ARHGEF18: variants seen among roughly 807,000 people sequenced by gnomAD.
The protein encoded by ARHGEF18 is rho guanine nucleotide exchange factor 18.
ARHGEF18 carries 93 observed loss-of-function variants against 155.7 expected under a neutral mutation model. The ratio of observed to expected loss-of-function variants is 0.60; its 90% CI spans 0.50 to 0.71. ARHGEF18 has a LOEUF of 0.71. Among genes scored for constraint, ARHGEF18 ranks in the 30% least tolerant of loss-of-function variants. The pLI is 0.00. For missense variants in ARHGEF18, 1,593 were observed against 1,816.1 expected (o/e 0.88, Z 2.23); for synonymous variants, 742 against 753.1 (o/e 0.99, Z 0.24).
intron 2 of ARHGEF18, among the ~76,000 whole-genome samples, chr19:7,370,795 C>T (rs1326671953): frequency 2.0e-5 from 3 of 152,086 alleles, no homozygotes; most frequent in Non-Finnish European, 2.9e-5. Flanking sequence ...ATCTTGAGGA[C>T]GTTATGCTCG....
At position 7,437,488 on chromosome 19, in the gene ARHGEF18, C is replaced by T. The variant is rs536009055; in HGVS notation, c.968-2856C>T. Among the ~76,000 whole-genome samples, 7 of 151,772 alleles carry T rather than the reference C, an allele frequency of 4.6e-5. No individual in the cohort carries two copies. In the South Asian group the frequency reaches 6.3e-4, roughly 14 times the overall value. The stretch of plus-strand genomic sequence containing the variant: ...TCTCCCAGGAGAGCTGCTGCGAGTA[C>T]GTTTTCCCTAGGGTAAGCTCTGCCC... On this transcript the variant is annotated intron_variant, in intron 10 of 28. Coordinates refer to ENST00000668164, the MANE Select transcript of ARHGEF18 (RefSeq NM_001367823.1).
intron 10 of ARHGEF18, among the ~76,000 whole-genome samples, chr19:7,392,945 G>T (rs1971484555): frequency 6.6e-6 from 1 of 150,452 alleles, no homozygotes; most frequent in East Asian, 1.9e-4. Flanking sequence ...TACTTGGGAG[G>T]CTGAGGTGGG....
intron 1 of ARHGEF18, among the ~76,000 whole-genome samples, chr19:7,361,927 G>T (rs1423640348): frequency 6.6e-6 from 1 of 151,606 alleles, no homozygotes; most frequent in Non-Finnish European, 1.5e-5. Flanking sequence ...GGGAGGCGGA[G>T]GTTGTGGTGA....
At chr19:7,473,962 A>G (rs1977150553), downstream of ARHGEF18, among the ~76,000 whole-genome samples, 1 of 151,880 alleles carries the variant, frequency 6.6e-6, no homozygotes, top group Non-Finnish European at 1.5e-5. Context: ...CAGCCTAGGC[A>G]ACATGGTGAG....
At chr19:7,362,048 AGAAGG>A (rs1969599016) in intron 1 of ARHGEF18, among the ~76,000 whole-genome samples, 3 of 37,794 alleles carry the variant, frequency 7.9e-5, no homozygotes, top group Non-Finnish European at 1.4e-4. Flanking sequence ...AAGGAGAAGG[AGAAGG>A]AGAAGGAGAA....
chr19:7,469,934 T>G lies in ARHGEF18; in HGVS notation c.3818T>G (p.Leu1273Arg). ...ASFDLKQQLLLNKLMGKDEST... is the reference protein window; with the variant it reads ...ASFDLKQQLLRNKLMGKDEST... ...TTCGACCTGAAGCAGCAGCTGCTGC[T>G]CAACAAGCTCATGGGGAAAGATGAG... The change falls in exon 28 of 29, where the codon CTC becomes CGC. Residue 1273 changes from leucine to arginine, a missense_variant. Physicochemically the swap from Leu to Arg is moderately radical, Grantham distance 102 (BLOSUM62 -2). Transcript: ENST00000668164. 1 of 1,612,844 alleles carries G rather than the reference T, an allele frequency of 6.2e-7. No homozygotes were observed. Among genetic ancestry groups the G allele is most frequent in the South Asian group, 1.1e-5 (1 of 91,066 alleles).
intron 10 of ARHGEF18, among the ~76,000 whole-genome samples, chr19:7,431,510 CAAAAAAAAAAAAAA>C (rs34609858): frequency 2.0e-5 from 1 of 51,274 alleles, no homozygotes; most frequent in Non-Finnish European, 3.5e-5. Context: ...GACTCCATCT[CAAAAAAAAAAAAAA>C]AAAAAAAAAG....
chr19:7,430,351 A>G (rs7249390), intron 10 of ARHGEF18, among the ~76,000 whole-genome samples: 30,332 of 147,080 alleles, frequency 0.21, 3,234 homozygotes, highest in Non-Finnish European at 0.23. Context: ...ACAGGCATAC[A>G]CTACCATGCC....
At chr19:7,464,159 T>A (rs1224312867) in intron 22 of ARHGEF18, among the ~76,000 whole-genome samples, 1 of 152,164 alleles carries the variant, frequency 6.6e-6, no homozygotes, top group Non-Finnish European at 1.5e-5. Flanking sequence ...CGCCTCAGCC[T>A]ACCAAGTAGC....
chr19:7,349,523 A>T (rs975385670), intron 1 of ARHGEF18, among the ~76,000 whole-genome samples: 1 of 151,974 alleles, frequency 6.6e-6, no homozygotes, highest in Non-Finnish European at 1.5e-5. Context: ...CACACCTGTA[A>T]TCCTAGCACT....
intron 3 of ARHGEF18, among the ~76,000 whole-genome samples, chr19:7,375,313 AAAAGAAAG>A (rs796255077): frequency 6.8e-6 from 1 of 147,794 alleles, no homozygotes; most frequent in African/African-American, 2.5e-5. Context: ...AAAAGAAAGA[AAAAGAAAG>A]AAAGAAAGAA....
intron 10 of ARHGEF18, among the ~76,000 whole-genome samples, chr19:7,425,259 T>C (rs942509451): frequency 4.6e-5 from 7 of 152,106 alleles, no homozygotes; most frequent in African/African-American, 1.7e-4. Context: ...TTAGTTCTTA[T>C]CTTCATTAAA....
At chr19:7,439,883 TG>T in intron 10 of ARHGEF18, 1 of 1,449,844 alleles carries the variant, frequency 6.9e-7, no homozygotes, top group Non-Finnish European at 9.1e-7. Flanking sequence ...CTGGAGGGGT[TG>T]TTTTTTTTTT....
At chr19:7,401,013 G>A (rs1279050097) in intron 10 of ARHGEF18, among the ~76,000 whole-genome samples, 3 of 152,240 alleles carry the variant, frequency 2.0e-5, no homozygotes, top group South Asian at 2.1e-4. Flanking sequence ...ATTTGCTGAC[G>A]TTTCATTTGA....
intron 10 of ARHGEF18, among the ~76,000 whole-genome samples, chr19:7,429,872 C>CAT (rs749464097): frequency 7.2e-5 from 11 of 151,972 alleles, no homozygotes; most frequent in Non-Finnish European, 1.5e-4. Flanking sequence ...CGCTCCCGTG[C>CAT]ATATGCCTTA....
rs1193595671 is a variant in ARHGEF18, at chr19:7,451,212, C to G, written c.1801C>G (p.Gln601Glu). The G allele has an allele frequency of 6.2e-7, 1 of 1,613,692 alleles. No homozygotes were observed. Among genetic ancestry groups the G allele is most frequent in the African/African-American group, 1.3e-5 (1 of 74,792 alleles). ...GVQECILLVT[Q>E]RITKYPVLVE... ...GCAGGAGTGCATTCTCCTGGTTACACAACGCATAACCAAATACCCAGTGCT... is the reference window on the plus strand; with the variant it reads ...GCAGGAGTGCATTCTCCTGGTTACAGAACGCATAACCAAATACCCAGTGCT... Residue 601 changes from glutamine to glutamate, a missense_variant, in exon 16 of 29, where the codon CAA becomes GAA. Gln to Glu is a conservative substitution (Grantham distance 29). Transcript: ENST00000668164.
At chr19:7,396,662 C>T (rs1246801130) in intron 10 of ARHGEF18, among the ~76,000 whole-genome samples, 11 of 151,638 alleles carry the variant, frequency 7.3e-5, no homozygotes, top group Admixed American at 4.6e-4. Context: ...TTGCAGTGAG[C>T]CGCGATCGGG....
At chr19:7,477,519 G>A in the ARHGEF18 span, 1 of 1,155,544 alleles carries the variant, frequency 8.7e-7, no homozygotes, top group Non-Finnish European at 1.1e-6. Flanking sequence ...GTGTGGCCTG[G>A]CAGCCCTGAG....
rs542532955 is a variant in ARHGEF18, at chr19:7,458,426, G to T, written c.2182-86G>T. On this transcript the variant is annotated intron_variant, in intron 18 of 28. Coordinates refer to ENST00000668164, the MANE Select transcript of ARHGEF18 (RefSeq NM_001367823.1). ...ATGAGGAGCGTGACCCCCACTCTTA[G>T]TTCCCCTCACCAGGCCCTTGACCTC... 6.1e-6 allele frequency: 8 copies of T among 1,302,208 alleles called. No homozygotes were observed. The Admixed American group carries it at 1.3e-4, about 21-fold the overall frequency. 80.7% of individuals were successfully genotyped at this position (1,302,208 alleles called of 1,614,324 possible).
Sources: allele counts gnomAD v4.1 joint callset (sites outside exome capture counted in the v4.1 genomes callset), GRCh38; gene constraint gnomAD v4.1.1; transcripts MANE v1.5; gene names NCBI Gene and HGNC (gene_info 2026-07-23, HGNC 2026-07-21).